MAPK4: variants seen among roughly 807,000 people sequenced by gnomAD.
The protein encoded by MAPK4 is mitogen-activated protein kinase 4, also known as Erk3-related.
Under a neutral mutation model 47.7 loss-of-function variants are expected in MAPK4, and 22 were observed. The observed-to-expected ratio is 0.46, with a 90% CI of 0.33 to 0.66. MAPK4 has a LOEUF of 0.66. Among genes scored for constraint, MAPK4 ranks in the 30% least tolerant of loss-of-function variants. MAPK4 has a pLI of 0.02. For missense variants in MAPK4, 736 were observed against 831.7 expected, an observed-to-expected ratio of 0.88 and a Z score of 1.42; for synonymous variants, 390 against 365.7, an observed-to-expected ratio of 1.07 and a Z score of -0.76.
chr18:50,572,149 C>T (rs886215723), intron 1 of MAPK4, among the ~76,000 whole-genome samples: 5 of 152,092 alleles, frequency 3.3e-5, no homozygotes, highest in Admixed American at 2.6e-4. Flanking sequence ...GTGTAGGACT[C>T]GAAGAGGGCT....
intron 1 of MAPK4, among the ~76,000 whole-genome samples, chr18:50,654,328 C>T (rs891857903): frequency 6.6e-6 from 1 of 152,196 alleles, no homozygotes; most frequent in African/African-American, 2.4e-5. Context: ...TCAGGGAAGG[C>T]ACAGTGGCCT....
At chr18:50,650,976 G>C (rs1347983738) in intron 1 of MAPK4, among the ~76,000 whole-genome samples, 2 of 152,202 alleles carry the variant, frequency 1.3e-5, no homozygotes, top group Non-Finnish European at 2.9e-5. Context: ...GCCAAAATGG[G>C]TTGGGCCTGC....
At chr18:50,675,738 C>T (rs1308887433) in intron 2 of MAPK4, among the ~76,000 whole-genome samples, 1 of 152,100 alleles carries the variant, frequency 6.6e-6, no homozygotes, top group African/African-American at 2.4e-5. Flanking sequence ...GATCTGCCCG[C>T]CTCAGCCTCC....
At chr18:50,603,077 A>G (rs1047546027) in intron 1 of MAPK4, among the ~76,000 whole-genome samples, 3 of 152,160 alleles carry the variant, frequency 2.0e-5, no homozygotes, top group Admixed American at 6.5e-5. Flanking sequence ...GAGGGGCTGC[A>G]TCACCCTCCA....
intron 3 of MAPK4, among the ~76,000 whole-genome samples, chr18:50,720,583 T>C (rs930983305): frequency 1.3e-5 from 2 of 151,942 alleles, no homozygotes; most frequent in African/African-American, 4.8e-5. Context: ...CCCGCTGTGG[T>C]TGAAGAAGCT....
chr18:50,642,550 T>G (rs1312785906), intron 1 of MAPK4, among the ~76,000 whole-genome samples: 2 of 152,212 alleles, frequency 1.3e-5, no homozygotes, highest in African/African-American at 4.8e-5. Context: ...ATGAGGATGC[T>G]GTTTTCAGGA....
chr18:50,666,670 C>G (rs940129271), intron 2 of MAPK4, among the ~76,000 whole-genome samples: 3 of 152,106 alleles, frequency 2.0e-5, no homozygotes, highest in African/African-American at 4.8e-5. Context: ...ATCGGGTTCT[C>G]TTTAATAAAA....
Position 50,673,729 on chromosome 18 carries a change from G to A in MAPK4, c.546+9225G>A, listed in dbSNP as rs777738672. Among the ~76,000 whole-genome samples, 96 of 151,854 alleles carry A rather than the reference G, an allele frequency of 6.3e-4. 1 individual carries two copies. The highest frequency in any genetic ancestry group is 1.0e-3 in the Non-Finnish European group (71 of 67,918). ...AAATTAGCTGGGCATGGTGGCGGGC[G>A]CCTGTAGTCCCAGCTACTCGGGAGG... On this transcript the variant is annotated intron_variant, in intron 2 of 5. Transcript: ENST00000400384.
chr18:50,604,546 A>G (rs1167612451), intron 1 of MAPK4, among the ~76,000 whole-genome samples: 4 of 152,346 alleles, frequency 2.6e-5, no homozygotes, highest in African/African-American at 4.8e-5. Flanking sequence ...AAACAGTTTT[A>G]TAGATACATG....
chr18:50,723,061 A>G (rs887589552), intron 4 of MAPK4, among the ~76,000 whole-genome samples: 2 of 152,208 alleles, frequency 1.3e-5, no homozygotes, highest in Non-Finnish European at 2.9e-5. Context: ...TGAAGCTTGT[A>G]CAGTAGCAGA....
intron 1 of MAPK4, among the ~76,000 whole-genome samples, chr18:50,607,418 A>G (rs2042591762): frequency 6.6e-6 from 1 of 152,178 alleles, no homozygotes. Flanking sequence ...CCTCAGGTCC[A>G]GGCCTTTGGA....
chr18:50,609,176 T>A (rs569287255), intron 1 of MAPK4, among the ~76,000 whole-genome samples: 1 of 151,890 alleles, frequency 6.6e-6, no homozygotes, highest in Non-Finnish European at 1.5e-5. Context: ...CATTTCCCCC[T>A]TTTCTATTCG....
intron 1 of MAPK4, among the ~76,000 whole-genome samples, chr18:50,654,306 T>C (rs935997489): frequency 3.9e-5 from 6 of 152,150 alleles, no homozygotes; most frequent in African/African-American, 1.4e-4. Flanking sequence ...GCTCACAGAG[T>C]TATCTCCCAA....
At chr18:50,702,134 C>T (rs143301453) in intron 2 of MAPK4, among the ~76,000 whole-genome samples, 4,745 of 135,298 alleles carry the variant, frequency 0.035, 135 homozygotes, top group Non-Finnish European at 0.049. Flanking sequence ...TGCACTCCAG[C>T]CTGGGTGATG....
In MAPK4 at chr18:50,571,050, A is replaced by G. The variant is rs533208428; in HGVS notation, c.-871+10807A>G. Reference sequence around the variant, plus strand: ...CCAGGGAACCATAGCCTCCTCCCTCACCCTTCAGGTGTGTAATCATTGGGT... The same window carrying G: ...CCAGGGAACCATAGCCTCCTCCCTCGCCCTTCAGGTGTGTAATCATTGGGT... On this transcript the variant is annotated intron_variant, in intron 1 of 5. Coordinates refer to ENST00000400384, the MANE Select transcript of MAPK4 (RefSeq NM_002747.4). Among the ~76,000 whole-genome samples the G allele has an allele frequency of 3.3e-5, 5 of 151,916 alleles. No individual in the cohort carries two copies. The South Asian group carries it at 8.3e-4, about 25-fold the overall frequency.
intron 1 of MAPK4, among the ~76,000 whole-genome samples, chr18:50,572,223 G>A (rs1184199122): frequency 1.3e-5 from 2 of 152,182 alleles, no homozygotes; most frequent in African/African-American, 2.4e-5. Context: ...AAATGACACA[G>A]AGAAGAACGT....
intron 3 of MAPK4, among the ~76,000 whole-genome samples, chr18:50,720,881 G>C (rs1280805127): frequency 1.3e-5 from 2 of 152,174 alleles, no homozygotes. Context: ...CATGTGCTTA[G>C]GGCCACACAG....
rs1484836621 is a variant in MAPK4 at position 50,715,063 on chromosome 18, A to G, written c.547-16A>G. The G allele has an allele frequency of 6.2e-7, 1 of 1,612,356 alleles. No individual in the cohort carries two copies. The highest frequency in any genetic ancestry group is 8.5e-7 in the Non-Finnish European group (1 of 1,179,434). The stretch of plus-strand genomic sequence containing the variant: ...AAAAATGACTGATCAGTGGAACCAG[A>G]AATTTTGTCTTTCAGGGTTATCTGT... On this transcript the variant is annotated splice_polypyrimidine_tract_variant and intron_variant, in intron 2 of 5. Transcript: ENST00000400384.
chr18:50,655,608 G>C (rs1473868499), intron 1 of MAPK4, among the ~76,000 whole-genome samples: 1 of 152,170 alleles, frequency 6.6e-6, no homozygotes, highest in Non-Finnish European at 1.5e-5. Context: ...GCCAGGGAGA[G>C]TTGTTTCTCC....
Sources: allele counts gnomAD v4.1 joint callset (sites outside exome capture counted in the v4.1 genomes callset), GRCh38; gene constraint gnomAD v4.1.1; transcripts MANE v1.5; gene names NCBI Gene and HGNC (gene_info 2026-07-23, HGNC 2026-07-21).